PRSS35: variants seen among roughly 807,000 people sequenced by gnomAD.
PRSS35 encodes the protein serine protease 35, also known as inactive serine protease 35.
In PRSS35, 7 loss-of-function variants were observed where a neutral mutation model predicts 8.1. The ratio of observed to expected loss-of-function variants is 0.86; its 90% CI spans 0.49 to 1.62. PRSS35 has a LOEUF of 1.62. Ranked by LOEUF, PRSS35 falls within the 40% of genes most tolerant of loss-of-function variation. PRSS35 has a pLI of 0.00. For synonymous variants in PRSS35, 199 were observed against 188.7 expected, an observed-to-expected ratio of 1.05 and a Z score of -0.45; for missense variants, 566 against 518.0, an observed-to-expected ratio of 1.09 and a Z score of -0.90.
chr6:83,516,369 T>C (rs927042586), intron 1 of PRSS35, among the ~76,000 whole-genome samples: 2 of 151,512 alleles, frequency 1.3e-5, no homozygotes, highest in African/African-American at 2.4e-5. Context: ...GGTCAGGAGA[T>C]CGAGACCATC....
chr6:83,524,620 C>A lies in PRSS35; in HGVS notation c.1179C>A (p.Pro393=). The A allele has an allele frequency of 6.2e-7, 1 of 1,614,016 alleles. No homozygotes were observed. The highest frequency in any genetic ancestry group is 1.1e-5 in the South Asian group (1 of 91,032). ...ACAACGTTGCTGTTCGCATCACTCC[C>A]CTAAAATACGCCCAGATTTGCCTCT... The part of the protein sequence containing the change: ...KDYNVAVRIT[P]LKYAQICLWI... The change falls in exon 2 of 2, where the codon CCC becomes CCA. Residue 393 remains proline (P), a synonymous_variant. Transcript: ENST00000369700.
chr6:83,516,191 C>T (rs1771710072), intron 1 of PRSS35, among the ~76,000 whole-genome samples: 1 of 152,214 alleles, frequency 6.6e-6, no homozygotes, highest in Non-Finnish European at 1.5e-5. Context: ...GTAAGTGTAG[C>T]AGTTTCCTAC....
chr6:83,524,591 G>T lies in PRSS35; in HGVS notation c.1150G>T (p.Asp384Tyr). The change falls in exon 2 of 2, where the codon GAC becomes TAC. Residue 384 changes from aspartate to tyrosine, a missense_variant. Coordinates refer to ENST00000369700, the MANE Select transcript of PRSS35 (RefSeq NM_153362.3). ...QWVDVHGVQKDYNVAVRITPL... is the reference protein window; with the variant it reads ...QWVDVHGVQKYYNVAVRITPL... The stretch of plus-strand genomic sequence containing the variant: ...GGTGGATGTCCACGGGGTTCAGAAG[G>T]ACTACAACGTTGCTGTTCGCATCAC... 1 of 1,614,128 alleles carries T rather than the reference G, an allele frequency of 6.2e-7. No individual in the cohort carries two copies. The highest frequency in any genetic ancestry group is 8.5e-7 in the Non-Finnish European group (1 of 1,180,028).
At chr6:83,522,765 C>T (rs1562034707) in intron 1 of PRSS35, among the ~76,000 whole-genome samples, 1 of 152,140 alleles carries the variant, frequency 6.6e-6, no homozygotes, top group Non-Finnish European at 1.5e-5. Flanking sequence ...GCATTCTATA[C>T]AAATCAAAAC....
chr6:83,524,450 C>G lies in PRSS35; in HGVS notation c.1009C>G (p.Gln337Glu), dbSNP rs202074086. ...CGACGAATCCAATGATCTCCTTTACCAATACTGCGATGCTGAGTCGGGCTC... is the reference window on the plus strand; with the variant it reads ...CGACGAATCCAATGATCTCCTTTACGAATACTGCGATGCTGAGTCGGGCTC... ...VSDESNDLLY[Q>E]YCDAESGSTG... Residue 337 changes from glutamine to glutamate, a missense_variant, in exon 2 of 2, where the codon CAA (glutamine) becomes GAA (glutamate). Gln to Glu is a conservative substitution (Grantham distance 29, BLOSUM62 2). Transcript: ENST00000369700. The G allele has an allele frequency of 9.3e-6, 15 of 1,614,114 alleles. No homozygotes were observed. The East Asian group carries it at 1.6e-4, about 17-fold the overall frequency.
intron 1 of PRSS35, among the ~76,000 whole-genome samples, chr6:83,518,493 T>G (rs1432537240): frequency 7.0e-6 from 1 of 143,402 alleles, no homozygotes; most frequent in African/African-American, 3.0e-5. Flanking sequence ...CACACTTAAG[T>G]TTAATAGCAA....
In PRSS35 at chr6:83,524,042, C is replaced by T. The variant is rs867533390; in HGVS notation, c.601C>T (p.Arg201Ter). 10 of 1,613,962 alleles carry T rather than the reference C, an allele frequency of 6.2e-6. No individual in the cohort carries two copies. The East Asian group carries it at 1.6e-4, about 25-fold the overall frequency. ...GAATAAAAGTGGAGGCAAGAAACGT[C>T]GAGGTTCTAAGAGGAGCAGGAGAGA... is the stretch of plus-strand genomic sequence containing the variant. ...MRNKSGGKKRRGSKRSRREAS... is the reference protein window; with the variant it reads ...MRNKSGGKKR Residue 201 changes from arginine to a stop codon, truncating the protein, a stop_gained, in exon 2 of 2, where the codon CGA (arginine) becomes TGA (stop). Coordinates refer to ENST00000369700, the MANE Select transcript of PRSS35 (RefSeq NM_153362.3). LOFTEE classifies it low-confidence loss of function (END_TRUNC).
intron 1 of PRSS35, among the ~76,000 whole-genome samples, chr6:83,517,759 G>A (rs919651008): frequency 1.3e-5 from 2 of 152,208 alleles, no homozygotes; most frequent in African/African-American, 4.8e-5. Context: ...ACAGGTGGTT[G>A]GGATTGCAGA....
chr6:83,516,313 G>A (rs1286068493), intron 1 of PRSS35, among the ~76,000 whole-genome samples: 3 of 151,824 alleles, frequency 2.0e-5, no homozygotes, highest in East Asian at 3.9e-4. Flanking sequence ...GGTGGCTCAC[G>A]CCTGTAATCC....
At chr6:83,513,707 G>A (rs1432793364) in intron 1 of PRSS35, among the ~76,000 whole-genome samples, 3 of 152,110 alleles carry the variant, frequency 2.0e-5, no homozygotes, top group Admixed American at 6.6e-5. Context: ...AGTGGTAGAT[G>A]TGGATACTGT....
rs117093148 is a variant in PRSS35 at position 83,519,217 on chromosome 6, T to C, written c.-20-4205T>C. Among the ~76,000 whole-genome samples the C allele has an allele frequency of 1.3e-4, 20 of 152,348 alleles. 1 individual carries two copies. In the East Asian group the frequency reaches 3.9e-3, roughly 29 times the overall value. ...GTTCATCTACATACACAGATATTCT[T>C]ACTTCTTCCTTAATTCCCTTCTACT... On this transcript the variant is annotated intron_variant, in intron 1 of 1. Coordinates refer to ENST00000369700, the MANE Select transcript of PRSS35 (RefSeq NM_153362.3).
At chr6:83,513,928 A>G (rs1771668515) in intron 1 of PRSS35, among the ~76,000 whole-genome samples, 1 of 152,148 alleles carries the variant, frequency 6.6e-6, no homozygotes, top group Admixed American at 6.5e-5. Flanking sequence ...AGCATATTGC[A>G]TTTTAACAGT....
intron 1 of PRSS35, among the ~76,000 whole-genome samples, chr6:83,520,550 C>T (rs909758069): frequency 8.5e-5 from 13 of 152,112 alleles, no homozygotes; most frequent in African/African-American, 3.1e-4. Context: ...AACCACCGTT[C>T]GTAACTGCTG....
At chr6:83,515,846 C>T (rs905526414) in intron 1 of PRSS35, among the ~76,000 whole-genome samples, 3 of 150,396 alleles carry the variant, frequency 2.0e-5, no homozygotes, top group African/African-American at 4.9e-5. Context: ...GACGGAGTCT[C>T]GCTCTGTTGC....
intron 1 of PRSS35, among the ~76,000 whole-genome samples, chr6:83,522,327 A>G (rs1771837465): frequency 6.6e-6 from 1 of 152,054 alleles, no homozygotes. Flanking sequence ...TACTATACCC[A>G]CCTCCAAGCA....
chr6:83,523,563 G>A lies in PRSS35; in HGVS notation c.122G>A (p.Arg41Lys). 1 of 1,614,182 alleles carries A rather than the reference G, an allele frequency of 6.2e-7. No homozygotes were observed. The highest frequency in any genetic ancestry group is 8.5e-7 in the Non-Finnish European group (1 of 1,180,028). Residue 41 changes from arginine (R) to lysine (K), a missense_variant, in exon 2 of 2, where the codon AGG becomes AAG. Physicochemically the swap from Arg to Lys is conservative, Grantham distance 26 (BLOSUM62 2). Transcript: ENST00000369700. ...AAGGTACCCCGGATTGTCAGTGAAA[G>A]GACTTTCCATCTCACCAGCCCCGCA... The part of the protein sequence containing the change: ...LRKVPRIVSE[R>K]TFHLTSPAFE...
At chr6:83,523,342 G>C in intron 1 of PRSS35, 80 bp from the exon 2 acceptor site, 1 of 1,081,542 alleles carries the variant, frequency 9.2e-7, no homozygotes, top group Non-Finnish European at 1.3e-6. Context: ...GGTACATTTA[G>C]GATCCAAGGG....
chr6:83,514,778 T>A (rs1193703408), intron 1 of PRSS35, among the ~76,000 whole-genome samples: 3 of 152,224 alleles, frequency 2.0e-5, no homozygotes, highest in Non-Finnish European at 4.4e-5. Flanking sequence ...CAACTGTTTT[T>A]GAAAAACTAT....
intron 1 of PRSS35, among the ~76,000 whole-genome samples, chr6:83,517,901 ACAGCAGCCTCC>A (rs1366135582): frequency 6.6e-6 from 1 of 152,220 alleles, no homozygotes. Context: ...TTCCTGACCC[ACAGCAGCCTCC>A]CAGGAACTGT....
Sources: gnomAD v4.1 joint callset for allele counts (sites outside exome capture counted in the v4.1 genomes callset) on GRCh38, gnomAD v4.1.1 for gene constraint, MANE v1.5 for transcripts, NCBI Gene and HGNC (gene_info 2026-07-23, HGNC 2026-07-21) for gene names.